The following AKNA variants were observed in gnomAD, a reference collection of about 807,000 sequenced individuals.
AKNA encodes AT-hook transcription factor, also known as microtubule organization protein AKNA.
Under a neutral mutation model 138.8 loss-of-function variants are expected in AKNA, and 67 were observed. That is an observed-to-expected ratio of 0.48 (90% CI 0.40 to 0.59). AKNA has a LOEUF of 0.59. AKNA is among the 20% of genes least tolerant of loss of function. The pLI, the probability that AKNA is intolerant of heterozygous loss-of-function variation, is 0.00. For missense variants in AKNA, 1,813 were observed against 1,880.4 expected, an observed-to-expected ratio of 0.96 and a Z score of 0.66; for synonymous variants, 737 against 754.4, an observed-to-expected ratio of 0.98 and a Z score of 0.38.
chr9:114,339,283 G>A (rs751817629), intron 21 of AKNA, among the ~76,000 whole-genome samples: 5 of 152,142 alleles, frequency 3.3e-5, no homozygotes, highest in African/African-American at 4.8e-5. Context: ...TGCCCAGCAG[G>A]GGGCAGCACA....
intron 1 of AKNA, among the ~76,000 whole-genome samples, chr9:114,386,922 C>A (rs1295626887): frequency 6.6e-6 from 1 of 152,122 alleles, no homozygotes; most frequent in Non-Finnish European, 1.5e-5. Context: ...AGCCCCTTCC[C>A]ATCCAGCCAG....
upstream of AKNA, among the ~76,000 whole-genome samples, chr9:114,391,151 C>T (rs1369859661): frequency 6.6e-6 from 1 of 152,190 alleles, no homozygotes; most frequent in African/African-American, 2.4e-5. Flanking sequence ...GCCCCTAGAG[C>T]CCAAGCAGCT....
At position 114,393,992 on chromosome 9, in the gene AKNA, G is replaced by A. The variant is rs1047632731; in HGVS notation, c.-114+365C>T. Among the ~76,000 whole-genome samples the A allele has an allele frequency of 5.9e-5, 9 of 151,986 alleles. No homozygotes were observed. The East Asian group carries it at 1.4e-3, about 23-fold the overall frequency. On this transcript the variant is annotated intron_variant, in intron 1 of 21. Transcript: ENST00000307564. ...GTTCGAGACCAGCCTGGTCAACATGGCGAAACCCCGTCTCTACTAAAAATA... is the reference window on the plus strand; with the variant it reads ...GTTCGAGACCAGCCTGGTCAACATGACGAAACCCCGTCTCTACTAAAAATA...
Position 114,337,268 on chromosome 9 carries a change from G to C in AKNA, c.4106C>G (p.Ala1369Gly), listed in dbSNP as rs1467151015. The change falls in exon 22 of 22, where the codon GCT becomes GGT. Residue 1369 changes from alanine to glycine, a missense_variant. Transcript: ENST00000374088. Reference sequence around the variant, plus strand: ...AGAGGCTGTGGGCGGCCACTTGGCAGCTGGTTGGGCTGAGGTAGGTCCTGC... The same window carrying C: ...AGAGGCTGTGGGCGGCCACTTGGCACCTGGTTGGGCTGAGGTAGGTCCTGC... ...APAGPTSAQP[A>G]AKWPPTASPP... 6.5e-7 allele frequency: 1 copy of C among 1,542,536 alleles called. No individual in the cohort carries two copies. Among genetic ancestry groups the C allele is most frequent in the Admixed American group, 1.9e-5 (1 of 53,184 alleles).
At chr9:114,356,586 T>C (rs571394546) in intron 13 of AKNA, among the ~76,000 whole-genome samples, 5 of 152,296 alleles carry the variant, frequency 3.3e-5, no homozygotes, top group East Asian at 1.9e-4. Context: ...GCCCTCCCTG[T>C]AGTTTTTATT....
chr9:114,360,878 C>A (rs1831896977), intron 9 of AKNA, among the ~76,000 whole-genome samples: 1 of 152,188 alleles, frequency 6.6e-6, no homozygotes, highest in African/African-American at 2.4e-5. Flanking sequence ...TTCTACAAAG[C>A]CCCTTTTGTG....
At chr9:114,375,290 A>G (rs1833087826) in intron 3 of AKNA, among the ~76,000 whole-genome samples, 1 of 152,270 alleles carries the variant, frequency 6.6e-6, no homozygotes, top group Non-Finnish European at 1.5e-5. Flanking sequence ...GATTTCCGCA[A>G]CAAATGAATT....
chr9:114,341,320 C>G (rs777329101), intron 21 of AKNA, among the ~76,000 whole-genome samples: 20 of 152,194 alleles, frequency 1.3e-4, no homozygotes, highest in Non-Finnish European at 4.4e-5. Context: ...GGGCCGAGCA[C>G]TCTCCTTGGT....
Position 114,343,773 on chromosome 9 carries a change from G to C in AKNA, c.3692C>G (p.Ala1231Gly), listed in dbSNP as rs151319826. Residue 1231 changes from alanine to glycine, a missense_variant, in exon 19 of 22, where the codon GCG (alanine) becomes GGG (glycine). Physicochemically the swap from Ala to Gly is moderately conservative, Grantham distance 60. Transcript: ENST00000374088. ...GACTGTGCCATTGCCTTTTGGGACCGCCTTAGGGGACAGAACATGGTATTC... is the reference window on the plus strand; with the variant it reads ...GACTGTGCCATTGCCTTTTGGGACCCCCTTAGGGGACAGAACATGGTATTC... Reference protein sequence around the residue: ...GHEYHVLSPKAVPKGNGTVSC... With the variant: ...GHEYHVLSPKGVPKGNGTVSC... 20 of 1,613,942 alleles carry C rather than the reference G, an allele frequency of 1.2e-5. No individual in the cohort carries two copies. Among genetic ancestry groups the C allele is most frequent in the Non-Finnish European group, 1.6e-5 (19 of 1,179,830 alleles).
At chr9:114,368,365 G>A (rs1832523972) in intron 5 of AKNA, 74 bp downstream of exon 5, 6 of 1,299,270 alleles carry the variant, frequency 4.6e-6, no homozygotes, top group Non-Finnish European at 5.9e-6. Flanking sequence ...TCCCCAGGGT[G>A]AACCAAGTCA....
In AKNA at chr9:114,346,771, T is replaced by C. The variant is rs554279753; in HGVS notation, c.3412A>G (p.Arg1138Gly). 1.2e-6 allele frequency: 2 copies of C among 1,612,076 alleles called. No homozygotes were observed. The highest frequency in any genetic ancestry group is 2.2e-5 in the South Asian group (2 of 90,646). Residue 1138 changes from arginine (R) to glycine (G), a missense_variant, in exon 17 of 22, where the codon AGA (arginine) becomes GGA (glycine). Physicochemically the swap from Arg to Gly is moderately radical, Grantham distance 125. Transcript: ENST00000374088. ...GSHYGSKSTE[R>G]LPGEPRGEEQ... ...TCACCTCTAGGCTCACCAGGCAATC[T>C]CTCTGTGGATTTACTAGCAAAAGGA...
downstream of AKNA, chr9:114,331,518 C>G (rs1294750196): frequency 9.5e-6 from 14 of 1,469,802 alleles, no homozygotes; most frequent in Non-Finnish European, 1.2e-5. Context: ...AAGACAGGCA[C>G]CATTGTGCCA....
At chr9:114,397,820 G>C (rs1341384190), upstream of AKNA, among the ~76,000 whole-genome samples, 1 of 152,148 alleles carries the variant, frequency 6.6e-6, no homozygotes, top group East Asian at 1.9e-4. Context: ...CATTGTCAGG[G>C]CTGCCTACCC....
chr9:114,389,591 G>A (rs1424055476), upstream of AKNA, among the ~76,000 whole-genome samples: 2 of 152,180 alleles, frequency 1.3e-5, no homozygotes, highest in Non-Finnish European at 2.9e-5. Context: ...AAGATTCAAT[G>A]ACATGATGCC....
chr9:114,345,763 T>G lies in AKNA; in HGVS notation c.3661+100A>C. 3 of 1,129,340 alleles carry G rather than the reference T, an allele frequency of 2.7e-6. No homozygotes were observed. In the South Asian group the frequency reaches 5.0e-5, roughly 19 times the overall value. The allele number at this position is 1,129,340 out of a possible 1,614,324, so 70.0% of individuals were successfully genotyped here. A position where few individuals can be genotyped will look rare whatever the true frequency, so the allele number is the denominator to read the frequency against. On this transcript the variant is annotated intron_variant, in intron 18 of 21. Transcript: ENST00000374088. ...TCACAGAACTGATAGAAAATGATAT[T>G]TGAATGGCCCACTGGGTATATGGAA...
chr9:114,379,971 T>C (rs1403133293), intron 2 of AKNA, among the ~76,000 whole-genome samples: 8 of 152,050 alleles, frequency 5.3e-5, no homozygotes, highest in Non-Finnish European at 1.2e-4. Context: ...GGCAACACTG[T>C]GAGACCCTGT....
At chr9:114,387,408 T>C (rs566319578) in intron 1 of AKNA, among the ~76,000 whole-genome samples, 1 of 152,338 alleles carries the variant, frequency 6.6e-6, no homozygotes, top group South Asian at 2.1e-4. Context: ...GTCCTCGGAC[T>C]GTCCTTGGCT....
Position 114,359,910 on chromosome 9 carries a change from A to C in AKNA, c.2277T>G (p.His759Gln), listed in dbSNP as rs867708882. The part of the protein sequence containing the change: ...HKELQMEQVY[H>Q]GLMERYLSVK... ...GTGGCACTCACCGCTCCATGAGGCC[A>C]TGGTAAACTTGCTCCATCTGCAGCT... Residue 759 changes from histidine to glutamine, a missense_variant, in exon 10 of 22, where the codon CAT becomes CAG. Transcript: ENST00000374088. The C allele has an allele frequency of 1.2e-6, 2 of 1,614,212 alleles. No homozygotes were observed. Among genetic ancestry groups the C allele is most frequent in the African/African-American group, 2.7e-5 (2 of 75,066 alleles).
rs369251181 is a variant in AKNA, at chr9:114,393,993, C to T, written c.-114+364G>A. Among the ~76,000 whole-genome samples the T allele has an allele frequency of 2.6e-5, 4 of 151,838 alleles. No individual in the cohort carries two copies. The East Asian group carries it at 5.9e-4, about 22-fold the overall frequency. On this transcript the variant is annotated intron_variant, in intron 1 of 21. Coordinates refer to the AKNA transcript ENST00000307564. Reference sequence around the variant, plus strand: ...TTCGAGACCAGCCTGGTCAACATGGCGAAACCCCGTCTCTACTAAAAATAC... The same window carrying T: ...TTCGAGACCAGCCTGGTCAACATGGTGAAACCCCGTCTCTACTAAAAATAC...
Sources: allele counts gnomAD v4.1 joint callset (sites outside exome capture counted in the v4.1 genomes callset), GRCh38; gene constraint gnomAD v4.1.1; transcripts MANE v1.5; gene names NCBI Gene and HGNC (gene_info 2026-07-23, HGNC 2026-07-21).